The following CERKL variants were observed in gnomAD, a reference collection of about 807,000 sequenced individuals.
CERKL encodes CERK like autophagy regulator.
In CERKL, 61 loss-of-function variants were observed where a neutral mutation model predicts 63.4. The ratio of observed to expected loss-of-function variants is 0.96; its 90% CI spans 0.78 to 1.19. The LOEUF (loss-of-function observed/expected upper bound fraction) is 1.19. Ranked by LOEUF, CERKL falls within the 50% of genes most tolerant of loss-of-function variation. The probability of loss-of-function intolerance (pLI) is 0.00; values close to 1 mark genes in which losing one functional copy is unlikely to be tolerated. For missense variants in CERKL, 675 were observed against 655.5 expected (o/e 1.03, Z -0.33); for synonymous variants, 250 against 230.5 (o/e 1.08, Z -0.77).
chr2:181,598,697 A>T (rs1685325853), intron 2 of CERKL, among the ~76,000 whole-genome samples: 1 of 152,176 alleles, frequency 6.6e-6, no homozygotes, highest in African/African-American at 2.4e-5. Flanking sequence ...CTGCACCCTC[A>T]GCCCCACATG....
rs758960994 is a variant in CERKL at position 181,604,067 on chromosome 2, T to C, written c.251A>G (p.Tyr84Cys). ...QPERPAGDSK[Y>C]DLLCKEEFIE... is the part of the protein sequence containing the mutation. The stretch of plus-strand genomic sequence containing the variant: ...AAATTCTTCTTTACATAGCAAGTCA[T>C]ACTTAGAATCACCTGAAAAAAAAAT... Residue 84 changes from tyrosine to cysteine, a missense_variant, in exon 2 of 13, where the codon TAT becomes TGT. Transcript: ENST00000410087. 5 of 1,600,326 alleles carry C rather than the reference T, an allele frequency of 3.1e-6. No individual in the cohort carries two copies. In the South Asian group the frequency reaches 3.3e-5, roughly 11 times the overall value.
chr2:181,629,183 T>C (rs1686841789), intron 1 of CERKL, among the ~76,000 whole-genome samples: 1 of 152,208 alleles, frequency 6.6e-6, no homozygotes, highest in Non-Finnish European at 1.5e-5. Flanking sequence ...TTAGTTCTAT[T>C]AACTTCAACC....
intron 5 of CERKL, among the ~76,000 whole-genome samples, chr2:181,554,186 A>G (rs1688106910): frequency 7.3e-6 from 1 of 136,680 alleles, no homozygotes; most frequent in Non-Finnish European, 1.6e-5. Context: ...AAAAAAAAAA[A>G]TGTCCTTGGA....
At chr2:181,644,201 G>A (rs1333815195) in intron 1 of CERKL, among the ~76,000 whole-genome samples, 1 of 152,186 alleles carries the variant, frequency 6.6e-6, no homozygotes, top group African/African-American at 2.4e-5. Context: ...GCACCATACT[G>A]GGGGTTGGCC....
intron 10 of CERKL, among the ~76,000 whole-genome samples, chr2:181,545,034 C>T (rs1249561238): frequency 1.3e-5 from 2 of 152,196 alleles, no homozygotes; most frequent in East Asian, 3.9e-4. Flanking sequence ...TAAGCTCTTA[C>T]ATTAGAGCAT....
At chr2:181,609,362 T>C (rs1685858980) in intron 1 of CERKL, among the ~76,000 whole-genome samples, 1 of 148,014 alleles carries the variant, frequency 6.8e-6, no homozygotes, top group Non-Finnish European at 1.5e-5. Flanking sequence ...ATTTGAAAAT[T>C]CTCTTGGAAT....
intron 1 of CERKL, among the ~76,000 whole-genome samples, chr2:181,648,203 C>T (rs1687747959): frequency 1.3e-5 from 2 of 152,124 alleles, no homozygotes; most frequent in African/African-American, 4.8e-5. Flanking sequence ...TTAGATTAAA[C>T]CCAAAAAGAT....
intron 1 of CERKL, among the ~76,000 whole-genome samples, chr2:181,641,505 G>A (rs1031078448): frequency 1.8e-4 from 27 of 151,748 alleles, no homozygotes; most frequent in Admixed American, 1.7e-3. Flanking sequence ...ATATGTTAAA[G>A]GACTCTGCCA....
intron 1 of CERKL, among the ~76,000 whole-genome samples, chr2:181,614,163 A>G (rs1559106486): frequency 6.6e-6 from 1 of 152,210 alleles, no homozygotes; most frequent in Non-Finnish European, 1.5e-5. Flanking sequence ...AGAGAGCTAA[A>G]GCAGAAGGCT....
chr2:181,648,605 C>G (rs1212916182), intron 1 of CERKL, among the ~76,000 whole-genome samples: 1 of 152,110 alleles, frequency 6.6e-6, no homozygotes, highest in African/African-American at 2.4e-5. Context: ...AGAATATAAA[C>G]CTCACCAATA....
Position 181,544,719 on chromosome 2 carries a change from T to C in CERKL, c.1346A>G (p.Tyr449Cys). The C allele has an allele frequency of 6.2e-7, 1 of 1,603,952 alleles. No individual in the cohort carries two copies. Among genetic ancestry groups the C allele is most frequent in the Non-Finnish European group, 8.5e-7 (1 of 1,172,222 alleles). The change falls in exon 11 of 13, where the codon TAT becomes TGT. Residue 449 changes from tyrosine (Y) to cysteine (C), a missense_variant. By Grantham distance (194) the Tyr-to-Cys change is radical. Transcript: ENST00000410087. The stretch of plus-strand genomic sequence containing the variant: ...CTATACCTGATTTTTTACACTGGCA[T>C]ATCTTTTCAGGTGTTTTATAAATTC... The part of the protein sequence containing the change: ...RPEFIKHLKR[Y>C]ASVKNQFNFP...
At chr2:181,604,346 T>C (rs981356606) in intron 1 of CERKL, among the ~76,000 whole-genome samples, 2 of 152,024 alleles carry the variant, frequency 1.3e-5, no homozygotes, top group African/African-American at 4.8e-5. Context: ...GAAATAAAAA[T>C]TGTGACCATA....
chr2:181,548,415 CTG>C, intron 8 of CERKL, 128 bp downstream of exon 8: 1 of 748,634 alleles, frequency 1.3e-6, no homozygotes, highest in Non-Finnish European at 2.3e-6. Context: ...CTGTAAGAGT[CTG>C]TGATTCTATA....
In CERKL at chr2:181,597,967, G is replaced by A. The variant is rs188461328; in HGVS notation, c.481+5870C>T. Among the ~76,000 whole-genome samples the A allele has an allele frequency of 3.1e-3, 468 of 152,272 alleles. 5 individuals are homozygous for A. The highest frequency in any genetic ancestry group is 0.01 in the African/African-American group (419 of 41,544). The stretch of plus-strand genomic sequence containing the variant: ...AGGAAAGGTGGGCACAGTGCCAATC[G>A]CTAAAGGGGGCAACACCATGTCAAG... On this transcript the variant is annotated intron_variant, in intron 2 of 12. Coordinates refer to ENST00000410087, the MANE Select transcript of CERKL (RefSeq NM_201548.5).
At chr2:181,628,407 G>C (rs974794995) in intron 1 of CERKL, among the ~76,000 whole-genome samples, 19 of 152,142 alleles carry the variant, frequency 1.2e-4, no homozygotes, top group Admixed American at 1.2e-3. Flanking sequence ...TTTTAATACA[G>C]TCATTGGTAA....
At position 181,654,093 on chromosome 2, in the gene CERKL, G is replaced by A. The variant is rs184592187; in HGVS notation, c.238+2676C>T. On this transcript the variant is annotated intron_variant, in intron 1 of 12. Transcript: ENST00000410087. ...GTTATTAGACCAGCTGTTGGATCTGGTTGAGTTAATGTGCTTAAGAAGCAC... is the reference window on the plus strand; with the variant it reads ...GTTATTAGACCAGCTGTTGGATCTGATTGAGTTAATGTGCTTAAGAAGCAC... 1.0e-3 allele frequency among the ~76,000 whole-genome samples: 152 copies of A among 151,766 alleles called. 3 individuals are homozygous for A. The highest frequency in any genetic ancestry group is 9.8e-3 in the Admixed American group (150 of 15,248).
At chr2:181,551,286 G>A (rs1436890108) in intron 5 of CERKL, among the ~76,000 whole-genome samples, 1 of 152,022 alleles carries the variant, frequency 6.6e-6, no homozygotes, top group Non-Finnish European at 1.5e-5. Context: ...ACAAAAATCA[G>A]TAGCATTTCT....
chr2:181,613,917 T>A (rs1030516513), intron 1 of CERKL, among the ~76,000 whole-genome samples: 5 of 152,236 alleles, frequency 3.3e-5, no homozygotes, highest in Admixed American at 2.6e-4. Flanking sequence ...ATATTAGTTT[T>A]AAGGAAAATT....
intron 1 of CERKL, among the ~76,000 whole-genome samples, chr2:181,654,482 G>C (rs1046294321): frequency 1.3e-5 from 2 of 152,154 alleles, no homozygotes; most frequent in Non-Finnish European, 2.9e-5. Context: ...GTACTATGAG[G>C]TTTAAAAACT....
Sources: allele counts gnomAD v4.1 joint callset (sites outside exome capture counted in the v4.1 genomes callset), GRCh38; gene constraint gnomAD v4.1.1; transcripts MANE v1.5; gene names NCBI Gene and HGNC (gene_info 2026-07-23, HGNC 2026-07-21).